Variants in TRIOBP observed in about 807,000 individuals in gnomAD.
The protein encoded by TRIOBP is TRIO and F-actin-binding protein.
Under a neutral mutation model 238.8 loss-of-function variants are expected in TRIOBP, and 169 were observed. That is an observed-to-expected ratio of 0.71 (90% CI 0.62 to 0.80). The LOEUF is 0.80. Ranked by LOEUF, TRIOBP falls within the 30% of genes least tolerant of loss-of-function variation. The pLI is 0.00. For synonymous variants in TRIOBP, 1,150 were observed against 1,274.4 expected, an observed-to-expected ratio of 0.90 and a Z score of 2.08; for missense variants, 2,838 against 3,122.6, an observed-to-expected ratio of 0.91 and a Z score of 2.17.
chr22:37,719,439 G>A (rs979374676), intron 6 of TRIOBP, among the ~76,000 whole-genome samples: 2 of 151,996 alleles, frequency 1.3e-5, no homozygotes, highest in Non-Finnish European at 2.9e-5. Context: ...TGCGAGCCCT[G>A]AGGAAGAGGT....
intron 11 of TRIOBP, 78 bp from the exon 12 acceptor site, chr22:37,751,694 G>A (rs1468332969): frequency 1.4e-5 from 22 of 1,519,684 alleles, no homozygotes; most frequent in Non-Finnish European, 1.9e-5. Flanking sequence ...GGACAGGGTG[G>A]GTGCAGCACG....
intron 7 of TRIOBP, among the ~76,000 whole-genome samples, chr22:37,728,261 CAAAAAAAAAAAA>C (rs67412135): frequency 1.3e-5 from 1 of 78,010 alleles, no homozygotes; most frequent in Non-Finnish European, 2.5e-5. Flanking sequence ...GACTCCGTCT[CAAAAAAAAAAAA>C]AAAAAAAAAA....
Position 37,735,216 on chromosome 22 carries a change from ACAGC to A in TRIOBP, c.4888_4891del (p.Pro1630LysfsTer39), listed in dbSNP as rs1327676672. ...AACGATGTCCCTGAGCAGGAGTCACACAGCCAGCCAGAAGGCTGGGCCGAGGCCA... is the reference window on the plus strand; with the variant it reads ...AACGATGTCCCTGAGCAGGAGTCACACAGCCAGAAGGCTGGGCCGAGGCCA... On this transcript the variant is annotated frameshift_variant, in exon 9 of 24. Coordinates refer to ENST00000644935, the MANE Select transcript of TRIOBP (RefSeq NM_001039141.3). LOFTEE classifies it high-confidence loss of function. 4.4e-6 allele frequency: 7 copies of A among 1,606,954 alleles called. No individual in the cohort carries two copies. Among genetic ancestry groups the A allele is most frequent in the Non-Finnish European group, 6.0e-6 (7 of 1,174,976 alleles).
chr22:37,738,788 C>A, intron 10 of TRIOBP, 69 bp downstream of exon 10: 2 of 1,512,358 alleles, frequency 1.3e-6, no homozygotes, highest in Middle Eastern at 1.9e-4. Context: ...AGATGGGCTT[C>A]ATTCCTCAGA....
chr22:37,759,980 C>T (rs1343704319), intron 17 of TRIOBP: 2 of 201,854 alleles, frequency 9.9e-6, no homozygotes, highest in Admixed American at 1.1e-4. Context: ...GGATTTTTCT[C>T]AGAATGCTTT....
At chr22:37,752,973 A>G (rs370315686) in intron 12 of TRIOBP, among the ~76,000 whole-genome samples, 4 of 152,220 alleles carry the variant, frequency 2.6e-5, no homozygotes, top group African/African-American at 7.2e-5. Flanking sequence ...CCTGAGGCCC[A>G]TGGAGCTCCA....
At chr22:37,717,874 G>A (rs1923608136) in intron 6 of TRIOBP, among the ~76,000 whole-genome samples, 1 of 152,242 alleles carries the variant, frequency 6.6e-6, no homozygotes, top group South Asian at 2.1e-4. Context: ...GATGGGACTG[G>A]GCGCTGTGGA....
At chr22:37,766,596 A>G (rs1926505720) in intron 18 of TRIOBP, among the ~76,000 whole-genome samples, 1 of 152,210 alleles carries the variant, frequency 6.6e-6, no homozygotes, top group Admixed American at 6.5e-5. Flanking sequence ...ATGGATAAAA[A>G]TCACACTTAA....
In TRIOBP at chr22:37,715,747, T is replaced by TC. The variant is rs35283814; in HGVS notation, c.457-12dup. The TC allele has an allele frequency of 6.2e-7, 1 of 1,613,272 alleles. No individual in the cohort carries two copies. The highest frequency in any genetic ancestry group is 2.2e-5 in the East Asian group (1 of 44,880). ...TTTCTCCCGCAAACATACTTTCTCC[T>TC]CCCCTTCTCTGGCAGGACTGGGACA... On this transcript the variant is annotated splice_polypyrimidine_tract_variant and intron_variant, in intron 5 of 23. Coordinates refer to ENST00000644935, the MANE Select transcript of TRIOBP (RefSeq NM_001039141.3).
At position 37,697,346 on chromosome 22, in the gene TRIOBP, G is replaced by A. The variant is rs959952626; in HGVS notation, c.-169-242G>A. ...AGCAGCGAGGGGCACGTGGAGTAGA[G>A]CCCCCTACCCACCCCCAGGAAAATG... is the stretch of plus-strand genomic sequence containing the variant. On this transcript the variant is annotated intron_variant, in intron 1 of 23. Coordinates refer to ENST00000644935, the MANE Select transcript of TRIOBP (RefSeq NM_001039141.3). 2.0e-5 allele frequency among the ~76,000 whole-genome samples: 3 copies of A among 152,286 alleles called. No individual in the cohort carries two copies. The South Asian group carries it at 6.2e-4, about 32-fold the overall frequency.
intron 7 of TRIOBP, among the ~76,000 whole-genome samples, chr22:37,727,786 T>C (rs771283344): frequency 1.3e-5 from 2 of 152,210 alleles, no homozygotes; most frequent in African/African-American, 2.4e-5. Flanking sequence ...CAGGTGTCTT[T>C]TGAGTCTCCT....
At chr22:37,717,346 G>C (rs756342399) in intron 6 of TRIOBP, among the ~76,000 whole-genome samples, 2 of 152,232 alleles carry the variant, frequency 1.3e-5, no homozygotes, top group East Asian at 3.8e-4. Context: ...AAAGAACAAA[G>C]CTTCCACAGC....
At chr22:37,767,116 T>C (rs1299931636) in intron 18 of TRIOBP, among the ~76,000 whole-genome samples, 1 of 152,040 alleles carries the variant, frequency 6.6e-6, no homozygotes, top group Non-Finnish European at 1.5e-5. Context: ...CCATGCGCGG[T>C]GGCAGGCGCG....
In TRIOBP at chr22:37,710,463, T is replaced by C; in HGVS notation, c.151T>C (p.Cys51Arg). The part of the protein sequence containing the change: ...RSPSGAEVPY[C>R]DLPRCPPAPE... The stretch of plus-strand genomic sequence containing the variant: ...CCCTTCAGGTGCTGAGGTGCCCTAC[T>C]GCGACCTGCCTCGATGTCCACCTGC... Residue 51 changes from cysteine to arginine, a missense_variant, in exon 4 of 24, where the codon TGC becomes CGC. Coordinates refer to ENST00000644935, the MANE Select transcript of TRIOBP (RefSeq NM_001039141.3). 1 of 1,613,484 alleles carries C rather than the reference T, an allele frequency of 6.2e-7. No individual in the cohort carries two copies. The highest frequency in any genetic ancestry group is 2.2e-5 in the East Asian group (1 of 44,886).
At position 37,732,465 on chromosome 22, in the gene TRIOBP, G is replaced by A. The variant is rs199568564; in HGVS notation, c.3948-833G>A. ...ATGGAAGTTGCAGTGAGCCGAGATCGCGCCACTGCACTCCAGCCTGGGTGA... is the reference window on the plus strand; with the variant it reads ...ATGGAAGTTGCAGTGAGCCGAGATCACGCCACTGCACTCCAGCCTGGGTGA... On this transcript the variant is annotated intron_variant, in intron 7 of 23. Coordinates refer to ENST00000644935, the MANE Select transcript of TRIOBP (RefSeq NM_001039141.3). Among the ~76,000 whole-genome samples, 70 of 141,632 alleles carry A rather than the reference G, an allele frequency of 4.9e-4. No individual in the cohort carries two copies. The East Asian group carries it at 0.014, about 28-fold the overall frequency. 92.9% of individuals were successfully genotyped at this position (141,632 alleles called of 152,430 possible).
At chr22:37,746,140 C>T (rs1925235786) in intron 11 of TRIOBP, 11 of 1,007,160 alleles carry the variant, frequency 1.1e-5, no homozygotes, top group Non-Finnish European at 1.3e-5. Context: ...TCCATTGGCC[C>T]GCCGCGGCCC....
chr22:37,720,058 G>T (rs1277734571), intron 6 of TRIOBP, among the ~76,000 whole-genome samples: 2 of 119,364 alleles, frequency 1.7e-5, no homozygotes, highest in Non-Finnish European at 3.2e-5. Context: ...TGCCCAGGCT[G>T]GAGTACAATG....
intron 17 of TRIOBP, among the ~76,000 whole-genome samples, chr22:37,762,975 G>A (rs976535922): frequency 1.3e-5 from 2 of 152,110 alleles, no homozygotes; most frequent in African/African-American, 4.8e-5. Context: ...CTACTTTGAT[G>A]TCCATGTCAA....
chr22:37,713,511 C>T (rs916364946), intron 5 of TRIOBP, 100 bp downstream of exon 5: 11 of 1,436,864 alleles, frequency 7.7e-6, no homozygotes, highest in Non-Finnish European at 1.1e-5. Context: ...GAGCCTCACA[C>T]CAGGGAATCC....
Sources: allele counts gnomAD v4.1 joint callset (sites outside exome capture counted in the v4.1 genomes callset), GRCh38; gene constraint gnomAD v4.1.1; transcripts MANE v1.5; gene names NCBI Gene and HGNC (gene_info 2026-07-23, HGNC 2026-07-21).